The following CCDC78 variants were observed in gnomAD, a reference collection of about 807,000 sequenced individuals.
CCDC78 encodes coiled-coil domain-containing protein 78.
A neutral mutation model predicts 61.9 loss-of-function variants in CCDC78; 78 were observed. The observed-to-expected ratio is 1.26, with a 90% CI of 1.05 to 1.52. The LOEUF is 1.52. Among genes scored for constraint, CCDC78 ranks in the 40% most tolerant of loss-of-function variants. The pLI, the probability that CCDC78 is intolerant of heterozygous loss-of-function variation, is 0.00. For missense variants in CCDC78, 737 were observed against 615.5 expected, an observed-to-expected ratio of 1.20 and a Z score of -2.09; for synonymous variants, 287 against 251.9, an observed-to-expected ratio of 1.14 and a Z score of -1.32.
Position 724,323 on chromosome 16 carries a change from T to G in CCDC78, c.952A>C (p.Arg318=). 6.2e-7 allele frequency: 1 copy of G among 1,610,422 alleles called. No homozygotes were observed. Among genetic ancestry groups the G allele is most frequent in the Non-Finnish European group, 8.5e-7 (1 of 1,178,206 alleles). The part of the protein sequence containing the change: ...RRHEELLVAY[R]APGNPQAIFD... ...ACCTCCCATCCCAGCGGGGCCCACC[T>G]GTAGGCAACCAGTAGCTCTTCATGC... Residue 318 remains arginine (R), a splice_region_variant and synonymous_variant, in exon 9 of 14, where the codon AGG becomes CGG. Coordinates refer to ENST00000345165, the MANE Select transcript of CCDC78 (RefSeq NM_001378030.1).
intron 1 of CCDC78, 85 bp from the exon 2 acceptor site, chr16:726,170 C>T (rs992084774): frequency 6.4e-6 from 10 of 1,550,412 alleles, no homozygotes; most frequent in Non-Finnish European, 8.7e-6. Context: ...GTCCCGCCTC[C>T]CTGCCTGGCT....
At position 723,180 on chromosome 16, in the gene CCDC78, G is replaced by T. The variant is rs1320283995; in HGVS notation, c.1134-19C>A. On this transcript the variant is annotated intron_variant, in intron 11 of 13. Coordinates refer to ENST00000345165, the MANE Select transcript of CCDC78 (RefSeq NM_001378030.1). ...CAGGCCCCTGTGAGGGGAGAGGAAA[G>T]GAGGAGTGGTTTTGAGAGCTGGCAT... is the stretch of plus-strand genomic sequence containing the variant. 1.2e-6 allele frequency: 2 copies of T among 1,611,782 alleles called. No homozygotes were observed. The highest frequency in any genetic ancestry group is 2.7e-5 in the African/African-American group (2 of 74,928).
rs2040387751 is a variant in CCDC78, at chr16:723,128, G to A, written c.1167C>T (p.His389=). The change falls in exon 12 of 14, where the codon CAC becomes CAT. Residue 389 remains histidine, a synonymous_variant. Transcript: ENST00000345165. The stretch of plus-strand genomic sequence containing the variant: ...TGCGGGAGAAGTCCCGGAGCTTCTG[G>A]TGGATCTGGGCCCAGGATGCAGCGT... ...GLDAASWAQI[H]QKLRDFSRST... The A allele has an allele frequency of 1.2e-6, 2 of 1,612,698 alleles. No homozygotes were observed. Among genetic ancestry groups the A allele is most frequent in the Non-Finnish European group, 1.7e-6 (2 of 1,180,000 alleles).
Position 726,330 on chromosome 16 carries a change from G to C in CCDC78, c.38C>G (p.Pro13Arg). The C allele has an allele frequency of 6.5e-7, 1 of 1,547,820 alleles. No homozygotes were observed. Residue 13 changes from proline to arginine, a missense_variant, in exon 1 of 14, where the codon CCT (proline) becomes CGT (arginine). Coordinates refer to ENST00000345165, the MANE Select transcript of CCDC78 (RefSeq NM_001378030.1). ...HAATTGPRPG[P>R]PSRRVENVVL... is the part of the protein sequence containing the mutation. Reference sequence around the variant, plus strand: ...CACATTCTCCACCCGCCGAGAGGGAGGTCCAGGCCTGGGGCCTGTGGTGGC... The same window carrying C: ...CACATTCTCCACCCGCCGAGAGGGACGTCCAGGCCTGGGGCCTGTGGTGGC...
At chr16:723,834 C>G in intron 11 of CCDC78, 23 bp downstream of exon 11, 1 of 1,561,280 alleles carries the variant, frequency 6.4e-7, no homozygotes, top group Non-Finnish European at 8.7e-7. Flanking sequence ...ACAGGCCTCC[C>G]CCACACCCAT....
At chr16:723,319 C>CG (rs60065133) in intron 11 of CCDC78, 158 bp from the exon 12 acceptor site, 2 of 828,666 alleles carry the variant, frequency 2.4e-6, no homozygotes, top group Admixed American at 2.0e-5. Flanking sequence ...TGGCGCCCCC[C>CG]CCAGGCCTTG....
rs1477415376 is a variant in CCDC78, at chr16:724,112, C to A, written c.1047G>T (p.Glu349Asp). Residue 349 changes from glutamate to aspartate, a missense_variant, in exon 10 of 14, where the codon GAG becomes GAT. Physicochemically the swap from Glu to Asp is conservative, Grantham distance 45 (BLOSUM62 2). Coordinates refer to ENST00000345165, the MANE Select transcript of CCDC78 (RefSeq NM_001378030.1). ...VPLVTDFSHREDQHGGPGALL... is the reference protein window; with the variant it reads ...VPLVTDFSHRDDQHGGPGALL... ...TGGGGGTCTCTAGCCTCACCTGGTCCTCCCGATGGCTGAAGTCAGTGACCA... is the reference window on the plus strand; with the variant it reads ...TGGGGGTCTCTAGCCTCACCTGGTCATCCCGATGGCTGAAGTCAGTGACCA... 1.3e-6 allele frequency: 2 copies of A among 1,592,484 alleles called. No homozygotes were observed. Among genetic ancestry groups the A allele is most frequent in the Non-Finnish European group, 1.7e-6 (2 of 1,169,416 alleles).
At chr16:724,040 C>T in intron 10 of CCDC78, 66 bp downstream of exon 10, 2 of 1,459,022 alleles carry the variant, frequency 1.4e-6, no homozygotes, top group Non-Finnish European at 1.9e-6. Flanking sequence ...GGCCTGGGGC[C>T]AGTGTGGGGC....
rs148705181 is a variant in CCDC78 at position 725,293 on chromosome 16, C to A, written c.436G>T (p.Val146Leu). The A allele has an allele frequency of 8.3e-5, 134 of 1,608,074 alleles. No individual in the cohort carries two copies. The highest frequency in any genetic ancestry group is 9.2e-5 in the Non-Finnish European group (109 of 1,179,966). ...GGGTTCATGGTGTTCTTGGGCTGCA[C>A]CTGAATGGAAGGGAGGGCAGGGAAA... ...PGHSDDHRFQ[V>L]QPKNTMNPEN... is the part of the protein sequence containing the mutation. Residue 146 changes from valine (V) to leucine (L), a missense_variant and splice_region_variant, in exon 5 of 14, where the codon GTG (valine) becomes TTG (leucine). Physicochemically the swap from Val to Leu is conservative, Grantham distance 32. Transcript: ENST00000345165.
At chr16:725,723 T>G in intron 3 of CCDC78, 71 bp downstream of exon 3, 7 of 1,574,416 alleles carry the variant, frequency 4.4e-6, no homozygotes, top group Non-Finnish European at 6.0e-6. Context: ...TGCATGCCCA[T>G]GCAGGGCACG....
In CCDC78 at chr16:722,632, G is replaced by A; in HGVS notation, c.*46C>T. The A allele has an allele frequency of 6.3e-7, 1 of 1,592,648 alleles. No homozygotes were observed. Among genetic ancestry groups the A allele is most frequent in the Non-Finnish European group, 8.5e-7 (1 of 1,173,610 alleles). The stretch of plus-strand genomic sequence containing the variant: ...ATGGGGGGCTGGGTGGGAGGGTTCT[G>A]TGCTGGCTGAGGAGCTCTGCTCTGC... On this transcript the variant is annotated 3_prime_UTR_variant, in exon 14 of 14. Transcript: ENST00000345165.
In CCDC78 at chr16:725,837, A is replaced by G. The variant is rs767849635; in HGVS notation, c.224T>C (p.Leu75Pro). 2 of 1,611,416 alleles carry G rather than the reference A, an allele frequency of 1.2e-6. No individual in the cohort carries two copies. The highest frequency in any genetic ancestry group is 1.1e-5 in the South Asian group (1 of 90,490). ...GATTTCAGCCTCATGCTGCTCATGT[A>G]GGTGGTGGGTTGTGATCTGAATGTC... ...LVDIQITTHHLHEQHEAEIFQ... is the reference protein window; with the variant it reads ...LVDIQITTHHPHEQHEAEIFQ... Residue 75 changes from leucine (L) to proline (P), a missense_variant, in exon 3 of 14, where the codon CTA becomes CCA. Physicochemically the swap from Leu to Pro is moderately conservative, Grantham distance 98. Coordinates refer to ENST00000345165, the MANE Select transcript of CCDC78 (RefSeq NM_001378030.1).
intron 2 of CCDC78, 43 bp from the exon 3 acceptor site, chr16:725,923 G>A: frequency 6.3e-7 from 1 of 1,586,076 alleles, no homozygotes; most frequent in Non-Finnish European, 8.6e-7. Flanking sequence ...GGGCCCTGCT[G>A]GCACCCTCCC....
Position 722,862 on chromosome 16 carries a change from A to G in CCDC78, c.1301+60T>C, listed in dbSNP as rs774987057. ...TCTGCTTTTAGCGCCTGAGGCAGCC[A>G]TCATCCTTCATTCCAACCAGACCAG... is the stretch of plus-strand genomic sequence containing the variant. On this transcript the variant is annotated intron_variant, in intron 13 of 13. Transcript: ENST00000345165. The G allele has an allele frequency of 1.2e-5, 19 of 1,608,048 alleles. No individual in the cohort carries two copies. In the East Asian group the frequency reaches 4.2e-4, roughly 36 times the overall value.
At chr16:726,711 AG>A, upstream of CCDC78, 1 of 451,768 alleles carries the variant, frequency 2.2e-6, no homozygotes, top group South Asian at 2.9e-5. Flanking sequence ...GGATGCCCTG[AG>A]CTACACTCGC....
intron 11 of CCDC78, chr16:723,553 G>A (rs1285225880): frequency 4.4e-6 from 3 of 676,338 alleles, no homozygotes; most frequent in South Asian, 1.5e-5. Context: ...GTCACCAGGC[G>A]CCCTGCTCCC....
At chr16:725,632 T>C (rs2040829291) in intron 3 of CCDC78, 52 bp from the exon 4 acceptor site, 1 of 1,589,438 alleles carries the variant, frequency 6.3e-7, no homozygotes, top group African/African-American at 1.3e-5. Flanking sequence ...CCACCTGGGG[T>C]AGGTGAACAT....
In CCDC78 at chr16:725,781, C is replaced by A. The variant is rs866579604; in HGVS notation, c.267+13G>T. On this transcript the variant is annotated intron_variant, in intron 3 of 13. Transcript: ENST00000345165. ...TCCCCCATGCACTGAGGCTGGTTCA[C>A]ACGGCTGCTCACCTCACTCTTCAGC... The A allele has an allele frequency of 5.0e-6, 8 of 1,598,712 alleles. No homozygotes were observed. In the Middle Eastern group the frequency reaches 1.2e-3, roughly 231 times the overall value.
chr16:726,634 G>A, upstream of CCDC78: 1 of 534,032 alleles, frequency 1.9e-6, no homozygotes, highest in Non-Finnish European at 3.3e-6. Context: ...ATGGAACCAG[G>A]TGCGTGAAAG....
Sources: gnomAD v4.1 joint callset for allele counts on GRCh38, gnomAD v4.1.1 for gene constraint, MANE v1.5 for transcripts, NCBI Gene and HGNC (gene_info 2026-07-23, HGNC 2026-07-21) for gene names.